Variants in ASB13 observed in about 807,000 individuals in gnomAD.
The protein encoded by ASB13 is ankyrin repeat and SOCS box containing 13, also known as ankyrin repeat and SOCS box protein 13.
A neutral mutation model predicts 28.8 loss-of-function variants in ASB13; 33 were observed. That is an observed-to-expected ratio of 1.15 (90% confidence interval 0.87 to 1.53). The LOEUF (loss-of-function observed/expected upper bound fraction) is 1.53. Ranked by LOEUF, ASB13 falls within the 40% of genes most tolerant of loss-of-function variation. ASB13 has a pLI of 0.00. For missense variants in ASB13, 414 were observed against 390.1 expected, an observed-to-expected ratio of 1.06 and a Z score of -0.52; for synonymous variants, 182 against 172.9, an observed-to-expected ratio of 1.05 and a Z score of -0.41.
At chr10:5,646,384 G>A (rs1834886391) in intron 4 of ASB13, among the ~76,000 whole-genome samples, 1 of 152,208 alleles carries the variant, frequency 6.6e-6, no homozygotes, top group African/African-American at 2.4e-5. Context: ...AAAGGGACTG[G>A]GGAGGGGTGT....
rs1268715757 is a variant in ASB13 at position 5,661,464 on chromosome 10, G to A, written c.43+5045C>T. Among the ~76,000 whole-genome samples, 1 of 152,158 alleles carries A rather than the reference G, an allele frequency of 6.6e-6. No individual in the cohort carries two copies. Among genetic ancestry groups the A allele is most frequent in the Non-Finnish European group, 1.5e-5 (1 of 68,022 alleles). On this transcript the variant is annotated intron_variant, in intron 1 of 5. Coordinates refer to ENST00000357700, the MANE Select transcript of ASB13 (RefSeq NM_024701.4). This position sits in a 1 kb window ranked among gnomAD's most constrained non-coding sequence, Gnocchi z 4.9. Reference sequence around the variant, plus strand: ...CTTTGAATCCAGGTCAAATACCCAAGATGCACCTTTTTTCCTATTTTGTTT... The same window carrying A: ...CTTTGAATCCAGGTCAAATACCCAAAATGCACCTTTTTTCCTATTTTGTTT...
chr10:5,639,615 T>C lies in ASB13; in HGVS notation c.*1088A>G, dbSNP rs557974912. On this transcript the variant is annotated 3_prime_UTR_variant, in exon 6 of 6. Coordinates refer to ENST00000357700, the MANE Select transcript of ASB13 (RefSeq NM_024701.4). Reference sequence around the variant, plus strand: ...ATGGCTTATAATGCAGAACGACCTGTTTCTATCACTGCAGGACGGGATTGC... The same window carrying C: ...ATGGCTTATAATGCAGAACGACCTGCTTCTATCACTGCAGGACGGGATTGC... The C allele has an allele frequency of 1.7e-5, 2 of 119,232 alleles. No homozygotes were observed. The highest frequency in any genetic ancestry group is 8.6e-5 in the Admixed American group (1 of 11,584). The allele number at this position is 119,232 out of a possible 1,614,324, so 7.4% of individuals were successfully genotyped here.
Position 5,658,148 on chromosome 10 carries a change from ACT to A in ASB13, c.44-5100_44-5099del, listed in dbSNP as rs1835100512. Among the ~76,000 whole-genome samples, 1 of 150,022 alleles carries A rather than the reference ACT, an allele frequency of 6.7e-6. No homozygotes were observed. Among genetic ancestry groups the A allele is most frequent in the Admixed American group, 6.7e-5 (1 of 15,012 alleles). ...ACTCCAGCCTGGGTGACAGAGAGAG[ACT>A]CTGTCTCAAAAATAAATAAATAAAT... is the stretch of plus-strand genomic sequence containing the variant. On this transcript the variant is annotated intron_variant, in intron 1 of 5. Transcript: ENST00000357700. This position sits in a 1 kb window ranked among gnomAD's most constrained non-coding sequence, Gnocchi z 4.2.
rs1361880072 is a variant in ASB13, at chr10:5,655,147, G to A, written c.44-2097C>T. ...TCTGCATCGAATTTCCTCTGCAGGT[G>A]GGTAGCCTCATCAGTTAGTGCTGAC... On this transcript the variant is annotated intron_variant, in intron 1 of 5. Coordinates refer to ENST00000357700, the MANE Select transcript of ASB13 (RefSeq NM_024701.4). The surrounding 1 kb of genome is among the most constrained non-coding windows in gnomAD (Gnocchi z 6.2). Among the ~76,000 whole-genome samples, 1 of 151,846 alleles carries A rather than the reference G, an allele frequency of 6.6e-6. No homozygotes were observed. Among genetic ancestry groups the A allele is most frequent in the African/African-American group, 2.4e-5 (1 of 41,352 alleles).
In ASB13 at chr10:5,641,915, G is replaced by T. The variant is rs756165356; in HGVS notation, c.564C>A (p.His188Gln). Residue 188 changes from histidine to glutamine, a missense_variant, in exon 5 of 6, where the codon CAC becomes CAA. Coordinates refer to ENST00000357700, the MANE Select transcript of ASB13 (RefSeq NM_024701.4). This position sits in a 1 kb window ranked among gnomAD's most constrained non-coding sequence, Gnocchi z 8.4. ...AAKLHETALHHAAKVKNVDLI... is the reference protein window; with the variant it reads ...AAKLHETALHQAAKVKNVDLI... ...GGTCAACATTCTTGACCTTGGCCGC[G>T]TGGTGAAGGGCAGTCTCATGAAGCT... 5 of 1,613,402 alleles carry T rather than the reference G, an allele frequency of 3.1e-6. No homozygotes were observed. The highest frequency in any genetic ancestry group is 4.2e-6 in the Non-Finnish European group (5 of 1,179,382).
In ASB13 at chr10:5,649,878, G is replaced by A. The variant is rs1834957459; in HGVS notation, c.383-774C>T. Among the ~76,000 whole-genome samples, 1 of 152,114 alleles carries A rather than the reference G, an allele frequency of 6.6e-6. No individual in the cohort carries two copies. The highest frequency in any genetic ancestry group is 1.5e-5 in the Non-Finnish European group (1 of 68,002). Reference sequence around the variant, plus strand: ...CTTCCTGGGTCTGTAATGCGGATTTGGAGCGGGGTTCCAGGCCCCCCATCC... The same window carrying A: ...CTTCCTGGGTCTGTAATGCGGATTTAGAGCGGGGTTCCAGGCCCCCCATCC... On this transcript the variant is annotated intron_variant, in intron 3 of 5. Coordinates refer to ENST00000357700, the MANE Select transcript of ASB13 (RefSeq NM_024701.4). The surrounding 1 kb of genome is among the most constrained non-coding windows in gnomAD (Gnocchi z 6.4).
Position 5,658,896 on chromosome 10 carries a change from C to T in ASB13, c.44-5846G>A, listed in dbSNP as rs931597903. Reference sequence around the variant, plus strand: ...GTGCACCTCGTCACCTTTCCTGACACCCCCAAACCACCGATGGCCCTTCCA... The same window carrying T: ...GTGCACCTCGTCACCTTTCCTGACATCCCCAAACCACCGATGGCCCTTCCA... On this transcript the variant is annotated intron_variant, in intron 1 of 5. Coordinates refer to ENST00000357700, the MANE Select transcript of ASB13 (RefSeq NM_024701.4). This position sits in a 1 kb window ranked among gnomAD's most constrained non-coding sequence, Gnocchi z 4.2. Among the ~76,000 whole-genome samples, 1 of 152,090 alleles carries T rather than the reference C, an allele frequency of 6.6e-6. No individual in the cohort carries two copies. The highest frequency in any genetic ancestry group is 2.4e-5 in the African/African-American group (1 of 41,400).
rs563305688 is a variant in ASB13 at position 5,661,896 on chromosome 10, G to A, written c.43+4613C>T. 9.8e-4 allele frequency among the ~76,000 whole-genome samples: 149 copies of A among 152,268 alleles called. No homozygotes were observed. Among genetic ancestry groups the A allele is most frequent in the African/African-American group, 2.1e-3 (86 of 41,566 alleles). ...CTGGCTGCAGAAATGTCATTTCTGC[G>A]TCAAAAACAACCAGCAGCCTCTGTA... On this transcript the variant is annotated intron_variant, in intron 1 of 5. Coordinates refer to ENST00000357700, the MANE Select transcript of ASB13 (RefSeq NM_024701.4). The surrounding 1 kb of genome is among the most constrained non-coding windows in gnomAD (Gnocchi z 4.9).
At position 5,658,074 on chromosome 10, in the gene ASB13, C is replaced by A. The variant is rs1835099954; in HGVS notation, c.44-5024G>T. Among the ~76,000 whole-genome samples, 2 of 152,190 alleles carry A rather than the reference C, an allele frequency of 1.3e-5. No individual in the cohort carries two copies. The highest frequency in any genetic ancestry group is 4.1e-4 in the South Asian group (2 of 4,830). On this transcript the variant is annotated intron_variant, in intron 1 of 5. Transcript: ENST00000357700. The surrounding 1 kb of genome is among the most constrained non-coding windows in gnomAD (Gnocchi z 4.2). ...CTCAGAGGCTGAGGCACGAGAATCG[C>A]ATGAACCCAGGAGACAGAGGTTGCA...
At position 5,649,129 on chromosome 10, in the gene ASB13, G is replaced by C. The variant is rs778377454; in HGVS notation, c.383-25C>G. 1 of 1,613,366 alleles carries C rather than the reference G, an allele frequency of 6.2e-7. No individual in the cohort carries two copies. The highest frequency in any genetic ancestry group is 1.7e-5 in the Admixed American group (1 of 60,004). On this transcript the variant is annotated intron_variant, in intron 3 of 5. Coordinates refer to ENST00000357700, the MANE Select transcript of ASB13 (RefSeq NM_024701.4). This position sits in a 1 kb window ranked among gnomAD's most constrained non-coding sequence, Gnocchi z 6.4. ...CCTTAAGATAAATGGAAAAGGGGGG[G>C]AATGTCCTTGAATACGGACACTGGA...
At chr10:5,665,754 C>G (rs1835248494) in intron 1 of ASB13, among the ~76,000 whole-genome samples, 1 of 152,190 alleles carries the variant, frequency 6.6e-6, no homozygotes, top group Non-Finnish European at 1.5e-5. Flanking sequence ...AGACTTTTCC[C>G]TCTTAGGTGC....
At chr10:5,665,299 T>A (rs1835241296) in intron 1 of ASB13, among the ~76,000 whole-genome samples, 1 of 152,214 alleles carries the variant, frequency 6.6e-6, no homozygotes, top group African/African-American at 2.4e-5. Flanking sequence ...ATTCAGCTTA[T>A]TCATTACACT....
Position 5,641,270 on chromosome 10 carries a change from T to G in ASB13, c.710-440A>C, listed in dbSNP as rs1389796586. On this transcript the variant is annotated intron_variant, in intron 5 of 5. Transcript: ENST00000357700. The surrounding 1 kb of genome is among the most constrained non-coding windows in gnomAD (Gnocchi z 8.4). Reference sequence around the variant, plus strand: ...GCACCCACCACCATGCCCGCCTAATTTTTATATTTTTAGTAGAGATGGGGT... The same window carrying G: ...GCACCCACCACCATGCCCGCCTAATGTTTATATTTTTAGTAGAGATGGGGT... 6.6e-6 allele frequency among the ~76,000 whole-genome samples: 1 copy of G among 151,916 alleles called. No homozygotes were observed. The highest frequency in any genetic ancestry group is 1.5e-5 in the Non-Finnish European group (1 of 67,992).
chr10:5,666,210 C>G (rs954244821), intron 1 of ASB13, among the ~76,000 whole-genome samples: 1 of 152,240 alleles, frequency 6.6e-6, no homozygotes, highest in Non-Finnish European at 1.5e-5. Context: ...CGCACCTTCC[C>G]CAGGGCGCGC....
rs1019458939 is a variant in ASB13 at position 5,649,801 on chromosome 10, C to A, written c.383-697G>T. Among the ~76,000 whole-genome samples the A allele has an allele frequency of 1.6e-4, 24 of 152,278 alleles. No homozygotes were observed. In the East Asian group the frequency reaches 4.6e-3, roughly 29 times the overall value. The stretch of plus-strand genomic sequence containing the variant: ...TCAGCCTCCCAAAGTGCTGGGATTA[C>A]CAAGGGCATGAGCCACAGCGCCCGG... On this transcript the variant is annotated intron_variant, in intron 3 of 5. Transcript: ENST00000357700. The surrounding 1 kb of genome is among the most constrained non-coding windows in gnomAD (Gnocchi z 6.4).
At chr10:5,648,264 C>CGGGT (rs1834919059) in intron 4 of ASB13, among the ~76,000 whole-genome samples, 2 of 150,824 alleles carry the variant, frequency 1.3e-5, no homozygotes, top group Non-Finnish European at 1.5e-5. Flanking sequence ...AACACCCACT[C>CGGGT]AGGTAAACAC....
Position 5,656,965 on chromosome 10 carries a change from C to A in ASB13, c.44-3915G>T, listed in dbSNP as rs1835084993. On this transcript the variant is annotated intron_variant, in intron 1 of 5. Coordinates refer to ENST00000357700, the MANE Select transcript of ASB13 (RefSeq NM_024701.4). The surrounding 1 kb of genome is among the most constrained non-coding windows in gnomAD (Gnocchi z 4.3). Reference sequence around the variant, plus strand: ...CTGGTTTGCTGGCTCTCCAGATAAACCTGCCACCAACTCTTGTCTCTCGTA... The same window carrying A: ...CTGGTTTGCTGGCTCTCCAGATAAAACTGCCACCAACTCTTGTCTCTCGTA... Among the ~76,000 whole-genome samples, 2 of 152,208 alleles carry A rather than the reference C, an allele frequency of 1.3e-5. No homozygotes were observed. The highest frequency in any genetic ancestry group is 2.9e-5 in the Non-Finnish European group (2 of 68,036).
In ASB13 at chr10:5,655,835, G is replaced by T. The variant is rs1365958192; in HGVS notation, c.44-2785C>A. Reference sequence around the variant, plus strand: ...AGGCCTAGGTCTTGCAGCAAAAAAAGAAAGTGCATCTCAGGAGGCCACCTG... The same window carrying T: ...AGGCCTAGGTCTTGCAGCAAAAAAATAAAGTGCATCTCAGGAGGCCACCTG... On this transcript the variant is annotated intron_variant, in intron 1 of 5. Coordinates refer to ENST00000357700, the MANE Select transcript of ASB13 (RefSeq NM_024701.4). The surrounding 1 kb of genome is among the most constrained non-coding windows in gnomAD (Gnocchi z 6.2). Among the ~76,000 whole-genome samples, 1 of 152,204 alleles carries T rather than the reference G, an allele frequency of 6.6e-6. No homozygotes were observed. The highest frequency in any genetic ancestry group is 1.5e-5 in the Non-Finnish European group (1 of 68,034).
At position 5,648,086 on chromosome 10, in the gene ASB13, C is replaced by T. The variant is rs1183333204; in HGVS notation, c.517+884G>A. On this transcript the variant is annotated intron_variant, in intron 4 of 5. Transcript: ENST00000357700. The stretch of plus-strand genomic sequence containing the variant: ...AAACACCCACGCAGGCAAACACCCA[C>T]GCAGGCAAACACCCACTCAGGTAAA... Among the ~76,000 whole-genome samples the T allele has an allele frequency of 4.0e-5, 6 of 151,080 alleles. No individual in the cohort carries two copies. The South Asian group carries it at 6.3e-4, about 16-fold the overall frequency.
Sources: allele counts gnomAD v4.1 joint callset (sites outside exome capture counted in the v4.1 genomes callset), GRCh38; gene constraint gnomAD v4.1.1; non-coding constraint Gnocchi (gnomAD v3.1); transcripts MANE v1.5; gene names NCBI Gene and HGNC (gene_info 2026-07-23, HGNC 2026-07-21).